Variants in CHRM5 observed in about 807,000 individuals in gnomAD.
CHRM5 encodes muscarinic acetylcholine receptor M5.
CHRM5 carries 18 observed loss-of-function variants against 39.0 expected under a neutral mutation model. That is an observed-to-expected ratio of 0.46 (90% CI 0.32 to 0.68). The LOEUF is 0.68. CHRM5 is among the 30% of genes least tolerant of loss of function. CHRM5 has a pLI of 0.04. For missense variants in CHRM5, 515 were observed against 651.1 expected, an observed-to-expected ratio of 0.79 and a Z score of 2.28; for synonymous variants, 241 against 246.3, an observed-to-expected ratio of 0.98 and a Z score of 0.20.
intron 1 of CHRM5, among the ~76,000 whole-genome samples, chr15:33,978,720 C>T (rs746366395): frequency 2.0e-5 from 3 of 151,886 alleles, no homozygotes; most frequent in East Asian, 1.9e-4. Flanking sequence ...TGTACAAATT[C>T]GTCCCCAGGC....
chr15:34,002,995 G>C (rs1165777489), intron 1 of CHRM5: 1 of 1,515,448 alleles, frequency 6.6e-7, no homozygotes, highest in Non-Finnish European at 8.9e-7. Context: ...GCAACTTTCA[G>C]AGCACTAAAC....
chr15:33,975,106 G>GT, intron 1 of CHRM5, among the ~76,000 whole-genome samples: 1 of 152,250 alleles, frequency 6.6e-6, no homozygotes, highest in Admixed American at 6.5e-5. Flanking sequence ...CCCTGGTTGG[G>GT]TTGAGACAGA....
intron 1 of CHRM5, among the ~76,000 whole-genome samples, chr15:33,979,765 G>A (rs1208577131): frequency 6.6e-6 from 1 of 152,152 alleles, no homozygotes; most frequent in East Asian, 1.9e-4. Context: ...GCATCCTCAG[G>A]AATCGTAAAG....
intron 1 of CHRM5, among the ~76,000 whole-genome samples, chr15:33,976,813 G>A (rs1895908268): frequency 6.6e-6 from 1 of 152,050 alleles, no homozygotes; most frequent in Admixed American, 6.5e-5. Context: ...ATCCCCAGCT[G>A]AACTTTTGAA....
At chr15:34,041,856 C>T (rs1899488686) in intron 1 of CHRM5, among the ~76,000 whole-genome samples, 1 of 152,088 alleles carries the variant, frequency 6.6e-6, no homozygotes. Flanking sequence ...GGATTTATAC[C>T]AGTACAGTCT....
intron 2 of CHRM5, among the ~76,000 whole-genome samples, chr15:34,049,605 A>G (rs1461226967): frequency 1.3e-5 from 2 of 152,228 alleles, no homozygotes; most frequent in Non-Finnish European, 2.9e-5. Flanking sequence ...GTTGGAAAAC[A>G]TACTTCAGGA....
chr15:33,992,224 A>C (rs1248507391), intron 1 of CHRM5, among the ~76,000 whole-genome samples: 1 of 152,076 alleles, frequency 6.6e-6, no homozygotes, highest in Non-Finnish European at 1.5e-5. Flanking sequence ...CGTCTCTACT[A>C]AAAAAATACA....
At chr15:34,025,445 T>TACTTC (rs1898414808) in intron 1 of CHRM5, among the ~76,000 whole-genome samples, 1 of 152,108 alleles carries the variant, frequency 6.6e-6, no homozygotes, top group Non-Finnish European at 1.5e-5. Flanking sequence ...ACTAGAGTGG[T>TACTTC]TAGGATGCCA....
At chr15:33,977,546 A>T (rs1397488452) in intron 1 of CHRM5, among the ~76,000 whole-genome samples, 2 of 152,196 alleles carry the variant, frequency 1.3e-5, no homozygotes, top group Non-Finnish European at 1.5e-5. Flanking sequence ...CTCACTGAGC[A>T]CCATTCTTAT....
intron 1 of CHRM5, among the ~76,000 whole-genome samples, chr15:34,013,122 C>T (rs889514290): frequency 4.0e-5 from 6 of 151,898 alleles, no homozygotes; most frequent in Admixed American, 2.6e-4. Flanking sequence ...AGTGCAATGG[C>T]GCAATCTTGG....
chr15:34,045,366 T>C (rs1899646457), intron 1 of CHRM5, among the ~76,000 whole-genome samples: 1 of 152,230 alleles, frequency 6.6e-6, no homozygotes, highest in Non-Finnish European at 1.5e-5. Flanking sequence ...AATTTGATTC[T>C]ACCAGTCAAA....
chr15:33,997,110 A>G (rs549549221), intron 1 of CHRM5, among the ~76,000 whole-genome samples: 29 of 152,342 alleles, frequency 1.9e-4, no homozygotes, highest in Middle Eastern at 3.4e-3. Flanking sequence ...CTTCTAGAAA[A>G]TATAGGAGAA....
intron 1 of CHRM5, among the ~76,000 whole-genome samples, chr15:33,987,931 C>T (rs924377603): frequency 1.3e-5 from 2 of 152,156 alleles, no homozygotes; most frequent in East Asian, 3.8e-4. Context: ...CCACACAGAC[C>T]CACATTCTCT....
At chr15:34,028,438 T>A (rs2140748416) in intron 1 of CHRM5, among the ~76,000 whole-genome samples, 1 of 152,184 alleles carries the variant, frequency 6.6e-6, no homozygotes, top group East Asian at 1.9e-4. Flanking sequence ...GTGGCACACA[T>A]CTATTTGGTC....
At chr15:34,030,559 A>T (rs1898737461) in intron 1 of CHRM5, among the ~76,000 whole-genome samples, 1 of 151,656 alleles carries the variant, frequency 6.6e-6, no homozygotes, top group South Asian at 2.1e-4. Context: ...TGTTAGGCTG[A>T]CCTTGTGATC....
At chr15:33,972,619 A>AAAAT (rs1249927797) in intron 1 of CHRM5, 1 of 152,264 alleles carries the variant, frequency 6.6e-6, no homozygotes, top group African/African-American at 2.4e-5. Context: ...ATATTTGTAA[A>AAAAT]AAATAAATAA....
At chr15:33,983,893 T>C (rs1000550690) in intron 1 of CHRM5, among the ~76,000 whole-genome samples, 5 of 151,176 alleles carry the variant, frequency 3.3e-5, no homozygotes, top group Admixed American at 2.0e-4. Context: ...CATCTTAGGG[T>C]ATTCTCCCCC....
chr15:34,009,445 G>T (rs1215524457), intron 1 of CHRM5, among the ~76,000 whole-genome samples: 1 of 152,068 alleles, frequency 6.6e-6, no homozygotes, highest in Admixed American at 6.6e-5. Context: ...GTGTATAATT[G>T]TATTGCTGGG....
chr15:34,062,739 A>G lies in CHRM5; in HGVS notation c.22A>G (p.Asn8Asp). The change falls in exon 3 of 3, where the codon AAT becomes GAT. Residue 8 changes from asparagine (N) to aspartate (D), a missense_variant. Transcript: ENST00000383263. ...CAGGATGGAAGGGGATTCTTACCACAATGCAACCACCGTCAATGGCACCCC... is the reference window on the plus strand; with the variant it reads ...CAGGATGGAAGGGGATTCTTACCACGATGCAACCACCGTCAATGGCACCCC... The part of the protein sequence containing the change: MEGDSYH[N>D]ATTVNGTPVN... 6.2e-7 allele frequency: 1 copy of G among 1,612,182 alleles called. No homozygotes were observed.
Sources: allele counts gnomAD v4.1 joint callset (sites outside exome capture counted in the v4.1 genomes callset), GRCh38; gene constraint gnomAD v4.1.1; transcripts MANE v1.5; gene names NCBI Gene and HGNC (gene_info 2026-07-23, HGNC 2026-07-21).